The following CSNK1G1 variants were observed in gnomAD, a reference collection of about 807,000 sequenced individuals.
The protein encoded by CSNK1G1 is casein kinase I isoform gamma-1.
A neutral mutation model predicts 59.6 loss-of-function variants in CSNK1G1; 22 were observed. The observed-to-expected ratio is 0.37, with a 90% CI of 0.26 to 0.53. CSNK1G1 has a LOEUF of 0.53. Ranked by LOEUF, CSNK1G1 falls within the 20% of genes least tolerant of loss-of-function variation. The probability of loss-of-function intolerance (pLI) is 0.89; values close to 1 mark genes in which losing one functional copy is unlikely to be tolerated. For synonymous variants in CSNK1G1, 179 were observed against 177.1 expected (o/e 1.01, Z -0.08); for missense variants, 384 against 519.5 (o/e 0.74, Z 2.54).
At chr15:64,182,293 G>C (rs2081829453) in intron 10 of CSNK1G1, among the ~76,000 whole-genome samples, 1 of 151,886 alleles carries the variant, frequency 6.6e-6, no homozygotes, top group Admixed American at 6.6e-5. Flanking sequence ...GGCTAGTCTC[G>C]AACTCCTGAC....
At position 64,213,960 on chromosome 15, in the gene CSNK1G1, T is replaced by C. The variant is rs1265872274; in HGVS notation, c.609A>G (p.Ile203Met). 12 of 1,614,126 alleles carry C rather than the reference T, an allele frequency of 7.4e-6. No homozygotes were observed. The highest frequency in any genetic ancestry group is 1.0e-5 in the Non-Finnish European group (12 of 1,180,002). ...TTAAACTTTTGTGTTCCCTATAAGG[T>C]ATGTGTTTTTTGGTTTCGGGGTCAA... is the stretch of plus-strand genomic sequence containing the variant. Reference protein sequence around the residue: ...EYIDPETKKHIPYREHKSLTG... With the variant: ...EYIDPETKKHMPYREHKSLTG... Residue 203 changes from isoleucine to methionine, a missense_variant, in exon 6 of 12, where the codon ATA (isoleucine) becomes ATG (methionine). Around this residue, in one of 3 missense-constraint regions of CSNK1G1, gnomAD observed 325 missense variants for 440.9 expected, o/e 0.74. Coordinates refer to ENST00000303052, the MANE Select transcript of CSNK1G1 (RefSeq NM_022048.5).
intron 1 of CSNK1G1, among the ~76,000 whole-genome samples, chr15:64,345,016 G>A (rs1897876294): frequency 1.3e-5 from 2 of 152,090 alleles, no homozygotes; most frequent in Admixed American, 6.6e-5. Context: ...TATTTAACTA[G>A]GTGAAAAAAC....
intron 4 of CSNK1G1, among the ~76,000 whole-genome samples, chr15:64,218,047 C>T (rs1279197408): frequency 6.6e-6 from 1 of 151,750 alleles, no homozygotes; most frequent in African/African-American, 2.4e-5. Context: ...CGGACTAACG[C>T]GATCTTCCCA....
intron 2 of CSNK1G1, chr15:64,266,006 T>C (rs1366688105): frequency 3.2e-6 from 1 of 314,736 alleles, no homozygotes; most frequent in Non-Finnish European, 6.4e-6. Context: ...AATGTTTGAG[T>C]CTAGGATCTT....
intron 1 of CSNK1G1, among the ~76,000 whole-genome samples, chr15:64,345,341 G>C (rs534590869): frequency 4.6e-5 from 7 of 152,262 alleles, no homozygotes; most frequent in African/African-American, 1.4e-4. Context: ...TTCCTATTCA[G>C]TTTTTGCCAG....
rs1312182552 is a variant in CSNK1G1 at position 64,170,718 on chromosome 15, C to T, written c.*1213G>A. ...TAATTTTTCCCCCAAGTCACCAGGA[C>T]GTCACATGGCTATCTAGTTGGAAGT... On this transcript the variant is annotated 3_prime_UTR_variant, in exon 12 of 12. Transcript: ENST00000303052. The T allele has an allele frequency of 1.3e-5, 2 of 152,536 alleles. No homozygotes were observed. The highest frequency in any genetic ancestry group is 1.9e-4 in the East Asian group (1 of 5,194). The allele number at this position is 152,536 out of a possible 1,614,324, so 9.4% of individuals were successfully genotyped here. A position where few individuals can be genotyped will look rare whatever the true frequency, so the allele number is the denominator to read the frequency against.
At chr15:64,208,004 A>G (rs2140254894) in intron 6 of CSNK1G1, among the ~76,000 whole-genome samples, 1 of 152,362 alleles carries the variant, frequency 6.6e-6, no homozygotes, top group South Asian at 2.1e-4. Flanking sequence ...CTGTTAAAAC[A>G]GTCCATTCTG....
intron 1 of CSNK1G1, among the ~76,000 whole-genome samples, chr15:64,334,339 T>A (rs539716409): frequency 7.1e-4 from 108 of 152,142 alleles, no homozygotes; most frequent in Non-Finnish European, 1.3e-3. Flanking sequence ...ATCTCAGCAG[T>A]CCTCAACCTT....
intron 11 of CSNK1G1, among the ~76,000 whole-genome samples, chr15:64,179,889 C>T (rs755015269): frequency 5.3e-4 from 80 of 152,318 alleles, no homozygotes; most frequent in Middle Eastern, 3.4e-3. Context: ...CTTAGTCTCT[C>T]TGAAGCCAGA....
chr15:64,181,555 T>C (rs2081813859), intron 10 of CSNK1G1: 1 of 911,016 alleles, frequency 1.1e-6, no homozygotes, highest in African/African-American at 1.7e-5. Context: ...CAAGAAAATG[T>C]ATGAGACTGT....
At chr15:64,204,414 A>T (rs1226500429) in intron 9 of CSNK1G1, 27 bp downstream of exon 9, 1 of 264,390 alleles carries the variant, frequency 3.8e-6, no homozygotes. Flanking sequence ...AATGAGGTTA[A>T]AAAAAAAAAA....
chr15:64,216,469 T>C lies in CSNK1G1; in HGVS notation c.444+93A>G, dbSNP rs2082312810. The C allele has an allele frequency of 1.6e-6, 2 of 1,255,740 alleles. No individual in the cohort carries two copies. Among genetic ancestry groups the C allele is most frequent in the South Asian group, 1.4e-5 (1 of 72,992 alleles). The allele number at this position is 1,255,740 out of a possible 1,614,324, so 77.8% of individuals were successfully genotyped here. The stretch of plus-strand genomic sequence containing the variant: ...CAAGCCTGTGAGTACTAATTCTTGA[T>C]GTGTTGCTACGGCTAGTAAATCACC... On this transcript the variant is annotated intron_variant, in intron 5 of 11. Coordinates refer to ENST00000303052, the MANE Select transcript of CSNK1G1 (RefSeq NM_022048.5). This position sits in a 1 kb window ranked among gnomAD's most constrained non-coding sequence, Gnocchi z 4.6.
At chr15:64,274,482 A>G (rs1315845635) in intron 2 of CSNK1G1, among the ~76,000 whole-genome samples, 1 of 152,236 alleles carries the variant, frequency 6.6e-6, no homozygotes, top group Non-Finnish European at 1.5e-5. Context: ...GAAAAGTACC[A>G]TTGATGAGCT....
Position 64,233,358 on chromosome 15 carries a change from CTT to C in CSNK1G1, c.293-16647_293-16646del, listed in dbSNP as rs1044735702. On this transcript the variant is annotated intron_variant, in intron 4 of 11. Transcript: ENST00000303052. ...AAAAGGACAGATTCTCTCTCTCTCT[CTT>C]TCTCTCTTTTTTTTACATTTTCCTT... Among the ~76,000 whole-genome samples the C allele has an allele frequency of 2.4e-3, 335 of 137,822 alleles. 1 individual carries two copies. The highest frequency in any genetic ancestry group is 8.0e-3 in the African/African-American group (318 of 39,984). The allele number at this position is 137,822 out of a possible 152,430, so 90.4% of individuals were successfully genotyped here. A position where few individuals can be genotyped will look rare whatever the true frequency, so the allele number is the denominator to read the frequency against.
intron 2 of CSNK1G1, among the ~76,000 whole-genome samples, chr15:64,292,147 T>A (rs529373353): frequency 4.6e-5 from 7 of 151,708 alleles, no homozygotes; most frequent in African/African-American, 1.7e-4. Flanking sequence ...GAGGCGGAGC[T>A]TGCAGTCAGC....
chr15:64,251,056 G>T (rs1171463740), intron 4 of CSNK1G1, among the ~76,000 whole-genome samples: 1 of 152,154 alleles, frequency 6.6e-6, no homozygotes, highest in Non-Finnish European at 1.5e-5. Flanking sequence ...CATATGGATA[G>T]CTCTTGCAAA....
intron 10 of CSNK1G1, among the ~76,000 whole-genome samples, chr15:64,191,203 G>A (rs1017781607): frequency 1.4e-4 from 21 of 152,082 alleles, no homozygotes; most frequent in East Asian, 1.2e-3. Context: ...CTGGGACTAC[G>A]GACGCGCGCC....
chr15:64,229,528 T>TTCTCTC (rs34099287), intron 4 of CSNK1G1, among the ~76,000 whole-genome samples: 4 of 144,242 alleles, frequency 2.8e-5, no homozygotes, highest in African/African-American at 7.8e-5. Flanking sequence ...CTCTCTCTCT[T>TTCTCTC]TCTCTCTCTC....
At chr15:64,205,943 T>C (rs28660179) in intron 7 of CSNK1G1, among the ~76,000 whole-genome samples, 8,799 of 151,982 alleles carry the variant, frequency 0.058, 270 homozygotes, top group South Asian at 0.079. Flanking sequence ...GAAGAGGGGG[T>C]GTAGGAGTAC....
Sources: gnomAD v4.1 joint callset for allele counts (sites outside exome capture counted in the v4.1 genomes callset) on GRCh38, gnomAD v4.1.1 for gene constraint, gnomAD v4.1.1 regional missense constraint, Gnocchi (gnomAD v3.1) non-coding constraint, MANE v1.5 for transcripts, NCBI Gene and HGNC (gene_info 2026-07-23, HGNC 2026-07-21) for gene names.